The following OTOA variants were observed in gnomAD, a reference collection of about 807,000 sequenced individuals.
OTOA encodes otoancorin.
OTOA carries 70 observed loss-of-function variants against 110.8 expected under a neutral mutation model. The ratio of observed to expected loss-of-function variants is 0.63; its 90% CI spans 0.52 to 0.77. The LOEUF (loss-of-function observed/expected upper bound fraction) is 0.77. OTOA is among the 30% of genes least tolerant of loss of function. The pLI, the probability that OTOA is intolerant of heterozygous loss-of-function variation, is 0.00. For synonymous variants in OTOA, 373 were observed against 431.5 expected (o/e 0.86, Z 1.68); for missense variants, 917 against 1,075.8 (o/e 0.85, Z 2.06).
intron 28 of OTOA, among the ~76,000 whole-genome samples, chr16:21,759,887 G>A (rs1005304243): frequency 6.0e-5 from 9 of 150,204 alleles, no homozygotes; most frequent in Admixed American, 2.0e-4. Context: ...GTGACAGGGC[G>A]AGACTCTGTC....
At chr16:21,673,839 G>T (rs924933564) in intron 1 of OTOA, among the ~76,000 whole-genome samples, 1 of 152,150 alleles carries the variant, frequency 6.6e-6, no homozygotes, top group Admixed American at 6.5e-5. Context: ...ACCCAGGCTG[G>T]AATGCAGTGG....
chr16:21,711,652 A>G (rs1190714700), intron 13 of OTOA, among the ~76,000 whole-genome samples: 1 of 152,078 alleles, frequency 6.6e-6, no homozygotes, highest in Admixed American at 6.5e-5. Flanking sequence ...TGTTTTTAGT[A>G]GAGACGAGGT....
intron 14 of OTOA, 86 bp downstream of exon 14, chr16:21,715,238 G>T: frequency 2.6e-6 from 4 of 1,568,510 alleles, no homozygotes; most frequent in Middle Eastern, 1.7e-4. Flanking sequence ...TTTGGGCCAT[G>T]AACCCAGGGC....
chr16:21,685,287 G>T lies in OTOA; in HGVS notation c.325G>T (p.Asp109Tyr). 6.2e-7 allele frequency: 1 copy of T among 1,613,164 alleles called. No homozygotes were observed. Among genetic ancestry groups the T allele is most frequent in the Non-Finnish European group, 8.5e-7 (1 of 1,179,324 alleles). The part of the protein sequence containing the change: ...RLHQPQKLLE[D>Y]LRKTDAQQFR... ...GCACCAGCCCCAGAAGCTGCTGGAG[G>T]ACCTGAGGAAGACAGACGCCCAGCA... The change falls in exon 7 of 29, where the codon GAC becomes TAC. Residue 109 changes from aspartate to tyrosine, a missense_variant. Transcript: ENST00000646100.
rs1181814255 is a variant in OTOA at position 21,687,485 on chromosome 16, A to T, written c.472A>T (p.Ser158Cys). 6.2e-7 allele frequency: 1 copy of T among 1,614,050 alleles called. No individual in the cohort carries two copies. The highest frequency in any genetic ancestry group is 1.1e-5 in the South Asian group (1 of 91,084). The change falls in exon 8 of 29, where the codon AGC becomes TGC. Residue 158 changes from serine to cysteine, a missense_variant. Coordinates refer to ENST00000646100, the MANE Select transcript of OTOA (RefSeq NM_144672.4). ...RALQSPGVNR[S>C]LFLITLERCF... ...CTTGCAGAGCCCTGGCGTGAACCGC[A>T]GCCTGTTTCTCATCACACTGGAGAG...
intron 18 of OTOA, 148 bp from the exon 19 acceptor site, chr16:21,726,375 C>A: frequency 9.2e-7 from 1 of 1,090,736 alleles, no homozygotes; most frequent in Non-Finnish European, 1.3e-6. Flanking sequence ...AAGCTTGCTA[C>A]CTGCTGCAGG....
intron 15 of OTOA, 78 bp from the exon 16 acceptor site, chr16:21,719,055 G>A: frequency 7.3e-7 from 1 of 1,377,710 alleles, no homozygotes; most frequent in African/African-American, 1.4e-5. Flanking sequence ...ATTGTGGAAT[G>A]CCTTCCTGAT....
In OTOA at chr16:21,728,328, T is replaced by C. The variant is rs774777334; in HGVS notation, c.2104T>C (p.Ser702Pro). ...LPAAIIDRGI[S>P]PRAWATALHG... ...GGCAGCCATCATCGACAGGGGGATC[T>C]CCCCCAGGGCTTGGGCGACTGCTCT... Residue 702 changes from serine to proline, a missense_variant, in exon 20 of 29, where the codon TCC (serine) becomes CCC (proline). Coordinates refer to ENST00000646100, the MANE Select transcript of OTOA (RefSeq NM_144672.4). 6.2e-7 allele frequency: 1 copy of C among 1,614,078 alleles called. No homozygotes were observed. Among genetic ancestry groups the C allele is most frequent in the South Asian group, 1.1e-5 (1 of 91,086 alleles).
chr16:21,728,462 G>C (rs762634909), intron 20 of OTOA, 31 bp downstream of exon 20: 63 of 1,606,006 alleles, frequency 3.9e-5, no homozygotes, highest in Non-Finnish European at 5.2e-5. Context: ...GCTTTTGGTG[G>C]TGTGGTATGC....
At chr16:21,758,675 C>A (rs1000064445) in intron 28 of OTOA, among the ~76,000 whole-genome samples, 16 of 149,896 alleles carry the variant, frequency 1.1e-4, no homozygotes, top group Non-Finnish European at 2.1e-4. Flanking sequence ...ATAAATCATG[C>A]CTTTTGATGT....
intron 9 of OTOA, among the ~76,000 whole-genome samples, chr16:21,695,891 A>ATATATATATATATATT (rs569493650): frequency 2.4e-4 from 10 of 41,890 alleles, no homozygotes; most frequent in African/African-American, 1.5e-3. Flanking sequence ...ATATATATAT[A>ATATATATATATATATT]TTTTTTTTTT....
chr16:21,707,779 C>G (rs1199345640), intron 12 of OTOA, among the ~76,000 whole-genome samples: 3 of 128,168 alleles, frequency 2.3e-5, no homozygotes, highest in African/African-American at 6.0e-5. Context: ...CCCTCCCCCC[C>G]CCATCCCTTT....
intron 21 of OTOA, among the ~76,000 whole-genome samples, chr16:21,732,228 G>A (rs1319659095): frequency 3.9e-5 from 6 of 152,242 alleles, no homozygotes; most frequent in Non-Finnish European, 8.8e-5. Context: ...GGCCTCCCAA[G>A]TGCTGGGATT....
At chr16:21,698,436 C>T (rs1284028790) in intron 10 of OTOA, among the ~76,000 whole-genome samples, 5 of 152,190 alleles carry the variant, frequency 3.3e-5, no homozygotes, top group Non-Finnish European at 5.9e-5. Flanking sequence ...CCCAATGACA[C>T]TAAAATCCCT....
intron 1 of OTOA, among the ~76,000 whole-genome samples, chr16:21,675,759 G>A (rs761140071): frequency 4.6e-5 from 7 of 151,574 alleles, no homozygotes; most frequent in Non-Finnish European, 8.8e-5. Context: ...TAACATGCTC[G>A]CAGTTTTCCC....
intron 17 of OTOA, chr16:21,721,484 A>G (rs1189134534): frequency 4.4e-6 from 2 of 455,936 alleles, no homozygotes; most frequent in South Asian, 3.1e-5. Flanking sequence ...GGACAGCACC[A>G]CTACACAGAG....
chr16:21,699,767 A>T (rs215888), intron 10 of OTOA, among the ~76,000 whole-genome samples: 105,286 of 151,176 alleles, frequency 0.7, 37,002 homozygotes, highest in Non-Finnish European at 0.74. Flanking sequence ...AAAAATACAA[A>T]AATTAGCCGG....
At chr16:21,756,146 C>G (rs1899979017) in intron 27 of OTOA, among the ~76,000 whole-genome samples, 2 of 151,548 alleles carry the variant, frequency 1.3e-5, no homozygotes. Context: ...AGAAAATAAA[C>G]ATGATGATAT....
intron 20 of OTOA, 50 bp downstream of exon 20, chr16:21,728,481 G>A: frequency 1.3e-6 from 2 of 1,588,164 alleles, no homozygotes; most frequent in Admixed American, 1.8e-5. Flanking sequence ...GCTCTGTGGA[G>A]GGACACTCAA....
Sources: allele counts gnomAD v4.1 joint callset (sites outside exome capture counted in the v4.1 genomes callset), GRCh38; gene constraint gnomAD v4.1.1; transcripts MANE v1.5; gene names NCBI Gene and HGNC (gene_info 2026-07-23, HGNC 2026-07-21).